RBFOX1: variants seen among roughly 807,000 people sequenced by gnomAD.
RBFOX1 encodes RNA binding protein fox-1 homolog 1.
A neutral mutation model predicts 57.7 loss-of-function variants in RBFOX1; 8 were observed. That is an observed-to-expected ratio of 0.14 (90% CI 0.08 to 0.25). The LOEUF (loss-of-function observed/expected upper bound fraction) is 0.25, where lower values mean the gene tolerates loss of function less well. Ranked by LOEUF, RBFOX1 falls within the 10% of genes least tolerant of loss-of-function variation. RBFOX1 has a pLI of 1.00. For synonymous variants in RBFOX1, 326 were observed against 222.4 expected (o/e 1.47, Z -4.15); for missense variants, 611 against 548.5 (o/e 1.11, Z -1.14).
chr16:6,854,153 T>C (rs1249019049), intron 3 of RBFOX1, among the ~76,000 whole-genome samples: 1 of 152,128 alleles, frequency 6.6e-6, no homozygotes, highest in Non-Finnish European at 1.5e-5. Flanking sequence ...AAAATATGAG[T>C]GTCTGACGTT....
chr16:7,681,793 C>G (rs935410976), intron 14 of RBFOX1, among the ~76,000 whole-genome samples: 7 of 151,960 alleles, frequency 4.6e-5, no homozygotes, highest in African/African-American at 1.7e-4. Context: ...AGTACACATG[C>G]AAAGCAGACA....
chr16:5,681,685 GC>G (rs1474379729), intron 3 of RBFOX1, among the ~76,000 whole-genome samples: 1 of 152,070 alleles, frequency 6.6e-6, no homozygotes, highest in African/African-American at 2.4e-5. Flanking sequence ...GAGCCACTGT[GC>G]CCGGCCGGTA....
intron 4 of RBFOX1, among the ~76,000 whole-genome samples, chr16:7,274,311 T>C (rs1240548750): frequency 6.6e-6 from 1 of 152,214 alleles, no homozygotes; most frequent in East Asian, 1.9e-4. Flanking sequence ...GTACGCTTTG[T>C]TATCCCCATT....
intron 3 of RBFOX1, chr16:6,775,965 G>C (rs1311565294): frequency 1.3e-5 from 2 of 152,214 alleles, no homozygotes; most frequent in African/African-American, 2.4e-5. Flanking sequence ...TGTGTTCACA[G>C]GCATATCGAT....
At chr16:7,166,972 CTTTTTTTTTTTTTTTTTTTTT>C (rs537293692) in intron 4 of RBFOX1, among the ~76,000 whole-genome samples, 31 of 49,118 alleles carry the variant, frequency 6.3e-4, no homozygotes, top group African/African-American at 2.7e-3. Flanking sequence ...CATTGGTGTT[CTTTTTTTTTTTTTTTTTTTTT>C]TTTTTTTTTT....
At position 6,721,963 on chromosome 16, in the gene RBFOX1, C is replaced by G. The variant is rs140348105; in HGVS notation, c.-16+67313C>G. On this transcript the variant is annotated intron_variant, in intron 3 of 15. Transcript: ENST00000550418. ...AGCCAAATCCATTCCTGCTCCCTCG[C>G]CCTGTCCTAAGGTTCATCTGTATTA... The G allele has an allele frequency of 1.7e-3, 265 of 153,748 alleles. 4 individuals are homozygous for G. The East Asian group carries it at 0.03, about 17-fold the overall frequency. 9.5% of individuals were successfully genotyped at this position (153,748 alleles called of 1,614,324 possible). A position where few individuals can be genotyped will look rare whatever the true frequency, so the allele number is the denominator to read the frequency against.
chr16:6,901,305 T>G (rs1193644066), intron 3 of RBFOX1, among the ~76,000 whole-genome samples: 2 of 152,178 alleles, frequency 1.3e-5, no homozygotes, highest in Non-Finnish European at 2.9e-5. Flanking sequence ...CGTGGGCTCA[T>G]TTTAGCAACA....
chr16:5,369,227 C>T (rs1201685703), intron 1 of RBFOX1, among the ~76,000 whole-genome samples: 1 of 152,214 alleles, frequency 6.6e-6, no homozygotes, highest in Non-Finnish European at 1.5e-5. Context: ...GTCTTGAACT[C>T]CTGACCTCAA....
chr16:6,898,755 TAATAC>T (rs2067622677), intron 3 of RBFOX1, among the ~76,000 whole-genome samples: 1 of 152,070 alleles, frequency 6.6e-6, no homozygotes, highest in African/African-American at 2.4e-5. Flanking sequence ...TCCATATATA[TAATAC>T]GTGTATGCAC....
At chr16:5,939,104 A>C (rs2059228958) in intron 4 of RBFOX1, among the ~76,000 whole-genome samples, 1 of 147,404 alleles carries the variant, frequency 6.8e-6, no homozygotes, top group African/African-American at 2.5e-5. Flanking sequence ...GGGTTGGGGG[A>C]GGCGGGAGGG....
chr16:7,562,450 G>A (rs550337183), intron 5 of RBFOX1, among the ~76,000 whole-genome samples: 4 of 152,260 alleles, frequency 2.6e-5, no homozygotes, highest in African/African-American at 7.2e-5. Flanking sequence ...AGAGTTGGAA[G>A]CAATGACCAT....
intron 2 of RBFOX1, among the ~76,000 whole-genome samples, chr16:5,491,867 G>T (rs1049720359): frequency 1.3e-5 from 2 of 152,182 alleles, no homozygotes; most frequent in Admixed American, 1.3e-4. Flanking sequence ...ACAGCAACAG[G>T]TAACAACAGA....
intron 1 of RBFOX1, among the ~76,000 whole-genome samples, chr16:5,360,306 G>C (rs2065509510): frequency 6.6e-6 from 1 of 152,200 alleles, no homozygotes; most frequent in Non-Finnish European, 1.5e-5. Context: ...ATCAGCTCTA[G>C]AGACTCCAGG....
intron 4 of RBFOX1, among the ~76,000 whole-genome samples, chr16:7,399,901 T>C (rs2098212222): frequency 6.6e-6 from 1 of 152,176 alleles, no homozygotes; most frequent in Non-Finnish European, 1.5e-5. Context: ...CATTTTAACT[T>C]AGAATATTCA....
At chr16:6,226,076 C>T (rs1029681325) in intron 1 of RBFOX1, among the ~76,000 whole-genome samples, 1 of 151,692 alleles carries the variant, frequency 6.6e-6, no homozygotes, top group African/African-American at 2.4e-5. Context: ...TAGTATTTCC[C>T]AGGCCTGGTG....
At chr16:6,020,078 T>C in intron 1 of RBFOX1, 86 bp downstream of exon 1, 2 of 1,324,126 alleles carry the variant, frequency 1.5e-6, no homozygotes, top group Non-Finnish European at 1.9e-6. Context: ...AAGCGCTAGG[T>C]CCCCGAGAAC....
intron 1 of RBFOX1, among the ~76,000 whole-genome samples, chr16:6,240,378 C>T (rs2097533886): frequency 6.6e-6 from 1 of 152,068 alleles, no homozygotes; most frequent in Non-Finnish European, 1.5e-5. Flanking sequence ...TGTTGGCTTT[C>T]ATCTCTGGAT....
chr16:7,097,048 C>A (rs552142503), intron 4 of RBFOX1, among the ~76,000 whole-genome samples: 3 of 151,822 alleles, frequency 2.0e-5, no homozygotes, highest in Non-Finnish European at 2.9e-5. Flanking sequence ...ACAACAGATG[C>A]CTCCTATACA....
chr16:5,492,200 C>T (rs957788625), intron 2 of RBFOX1, among the ~76,000 whole-genome samples: 3 of 152,206 alleles, frequency 2.0e-5, no homozygotes, highest in African/African-American at 7.2e-5. Context: ...CTACCTACTC[C>T]TCTCTGCAGA....
Sources: gnomAD v4.1 joint callset for allele counts (sites outside exome capture counted in the v4.1 genomes callset) on GRCh38, gnomAD v4.1.1 for gene constraint, MANE v1.5 for transcripts, NCBI Gene and HGNC (gene_info 2026-07-23, HGNC 2026-07-21) for gene names.